The following RASGRF2 variants were observed in gnomAD, a reference collection of about 807,000 sequenced individuals.
RASGRF2 encodes Ras protein specific guanine nucleotide releasing factor 2.
Under a neutral mutation model 151.0 loss-of-function variants are expected in RASGRF2, and 76 were observed. The observed-to-expected ratio is 0.50, with a 90% CI of 0.42 to 0.61. The LOEUF is 0.61. Among genes scored for constraint, RASGRF2 ranks in the 20% least tolerant of loss-of-function variants. The pLI is 0.00. For synonymous variants in RASGRF2, 504 were observed against 566.5 expected, an observed-to-expected ratio of 0.89 and a Z score of 1.57; for missense variants, 1,148 against 1,564.6, an observed-to-expected ratio of 0.73 and a Z score of 4.49.
intron 17 of RASGRF2, among the ~76,000 whole-genome samples, chr5:81,139,101 A>C (rs958367702): frequency 6.6e-6 from 1 of 152,190 alleles, no homozygotes; most frequent in Non-Finnish European, 1.5e-5. Context: ...TTTAGCATAC[A>C]AATCTTACAT....
At chr5:81,052,820 C>G (rs1453558578) in intron 2 of RASGRF2, among the ~76,000 whole-genome samples, 1 of 152,074 alleles carries the variant, frequency 6.6e-6, no homozygotes, top group Non-Finnish European at 1.5e-5. Context: ...GGATTTTCTC[C>G]ACTCCCAAAG....
At chr5:80,970,475 T>C (rs1747895109) in intron 1 of RASGRF2, among the ~76,000 whole-genome samples, 1 of 152,200 alleles carries the variant, frequency 6.6e-6, no homozygotes, top group Non-Finnish European at 1.5e-5. Flanking sequence ...CTTCTTTGGA[T>C]ATTGCTGCTG....
intron 1 of RASGRF2, among the ~76,000 whole-genome samples, chr5:80,990,222 T>G (rs1748605826): frequency 6.8e-6 from 1 of 146,188 alleles, no homozygotes; most frequent in African/African-American, 2.5e-5. Flanking sequence ...CCAGATGTTT[T>G]TTTTTTTTTT....
intron 2 of RASGRF2, among the ~76,000 whole-genome samples, chr5:81,063,660 T>C (rs1207176528): frequency 6.6e-6 from 1 of 152,196 alleles, no homozygotes; most frequent in African/African-American, 2.4e-5. Context: ...AGTTTTCCTT[T>C]TATATTTCCA....
chr5:81,085,537 A>C (rs1752203677), intron 7 of RASGRF2, among the ~76,000 whole-genome samples: 1 of 152,218 alleles, frequency 6.6e-6, no homozygotes, highest in Non-Finnish European at 1.5e-5. Flanking sequence ...ATGTAAAAAA[A>C]AATTAAAGAA....
chr5:81,166,805 C>T (rs923691591), intron 17 of RASGRF2, among the ~76,000 whole-genome samples: 2 of 152,076 alleles, frequency 1.3e-5, no homozygotes, highest in Non-Finnish European at 2.9e-5. Context: ...CCAAAAAGGA[C>T]ACTGAGAACC....
intron 12 of RASGRF2, among the ~76,000 whole-genome samples, chr5:81,103,349 A>G (rs1406675013): frequency 6.6e-6 from 1 of 152,070 alleles, no homozygotes; most frequent in African/African-American, 2.4e-5. Context: ...TAGCTATAGC[A>G]TATATTCTAC....
chr5:81,022,186 C>A (rs962530180), intron 1 of RASGRF2, among the ~76,000 whole-genome samples: 1 of 152,170 alleles, frequency 6.6e-6, no homozygotes. Context: ...TGCACCAGTG[C>A]ACAGGTCAGT....
At chr5:81,033,950 A>G (rs1750368775) in intron 1 of RASGRF2, among the ~76,000 whole-genome samples, 2 of 152,380 alleles carry the variant, frequency 1.3e-5, no homozygotes, top group East Asian at 3.9e-4. Flanking sequence ...ACAAATTCAC[A>G]AGAAAAAATC....
At chr5:81,092,688 T>A (rs1184629302) in intron 9 of RASGRF2, 113 bp from the exon 10 acceptor site, 6 of 978,240 alleles carry the variant, frequency 6.1e-6, no homozygotes, top group Non-Finnish European at 9.3e-6. Context: ...ATGTGTCACA[T>A]AAATCAATCC....
At chr5:81,090,179 T>C (rs1752349685) in intron 9 of RASGRF2, among the ~76,000 whole-genome samples, 1 of 152,214 alleles carries the variant, frequency 6.6e-6, no homozygotes, top group East Asian at 1.9e-4. Flanking sequence ...CTAGAGACAG[T>C]TATATCTTCT....
At chr5:80,972,747 T>C (rs1392424127) in intron 1 of RASGRF2, among the ~76,000 whole-genome samples, 1 of 152,252 alleles carries the variant, frequency 6.6e-6, no homozygotes, top group Non-Finnish European at 1.5e-5. Flanking sequence ...CCCAAAGTGC[T>C]GGGATTACAG....
At chr5:81,183,775 C>G (rs1381535252) in intron 18 of RASGRF2, among the ~76,000 whole-genome samples, 1 of 152,184 alleles carries the variant, frequency 6.6e-6, no homozygotes, top group African/African-American at 2.4e-5. Flanking sequence ...CCAAGCTGGT[C>G]TCTCCACCTC....
At chr5:81,140,744 C>G (rs1165943588) in intron 17 of RASGRF2, among the ~76,000 whole-genome samples, 1 of 152,194 alleles carries the variant, frequency 6.6e-6, no homozygotes, top group Non-Finnish European at 1.5e-5. Flanking sequence ...TTCCCAGGCT[C>G]CCTGCAGGCT....
chr5:81,188,126 GC>G (rs1755072340), intron 18 of RASGRF2, among the ~76,000 whole-genome samples: 1 of 152,146 alleles, frequency 6.6e-6, no homozygotes, highest in African/African-American at 2.4e-5. Flanking sequence ...CCTGCTTCCA[GC>G]CCTGCCCTCC....
rs1204034947 is a variant in RASGRF2 at position 81,206,836 on chromosome 5, C to G, written c.2907-9C>G. The G allele has an allele frequency of 6.2e-7, 1 of 1,603,100 alleles. No individual in the cohort carries two copies. Among genetic ancestry groups the G allele is most frequent in the African/African-American group, 1.3e-5 (1 of 74,772 alleles). On this transcript the variant is annotated splice_polypyrimidine_tract_variant and intron_variant, in intron 19 of 26. Transcript: ENST00000265080. ...TCTTTCATGGAGGATAATTTGATATCTTTTTCAGGGCCCTTTCACAAGATG... is the reference window on the plus strand; with the variant it reads ...TCTTTCATGGAGGATAATTTGATATGTTTTTCAGGGCCCTTTCACAAGATG...
At chr5:81,018,043 C>T (rs771559707) in intron 1 of RASGRF2, among the ~76,000 whole-genome samples, 3 of 151,756 alleles carry the variant, frequency 2.0e-5, no homozygotes, top group Non-Finnish European at 4.4e-5. Context: ...TGGGAGGCAG[C>T]AGTTGCAGTG....
intron 18 of RASGRF2, among the ~76,000 whole-genome samples, chr5:81,195,980 C>T (rs1030185233): frequency 2.0e-5 from 3 of 152,148 alleles, no homozygotes; most frequent in Non-Finnish European, 4.4e-5. Flanking sequence ...TATACACGGC[C>T]GGGCACCGTG....
At chr5:81,056,547 A>G (rs1434600908) in intron 2 of RASGRF2, among the ~76,000 whole-genome samples, 5 of 152,222 alleles carry the variant, frequency 3.3e-5, no homozygotes, top group African/African-American at 4.8e-5. Flanking sequence ...TTTACTTCCA[A>G]CTATGTGGTC....
Sources: allele counts gnomAD v4.1 joint callset (sites outside exome capture counted in the v4.1 genomes callset), GRCh38; gene constraint gnomAD v4.1.1; transcripts MANE v1.5; gene names NCBI Gene and HGNC (gene_info 2026-07-23, HGNC 2026-07-21).